The following MACF1 variants were observed in gnomAD, a reference collection of about 807,000 sequenced individuals.
MACF1 encodes the protein microtubule-actin cross-linking factor 1.
A neutral mutation model predicts 854.8 loss-of-function variants in MACF1; 193 were observed. That is an observed-to-expected ratio of 0.23 (90% confidence interval 0.20 to 0.25). The LOEUF (loss-of-function observed/expected upper bound fraction) is 0.25. Among genes scored for constraint, MACF1 ranks in the 10% least tolerant of loss-of-function variants. The probability of loss-of-function intolerance (pLI) is 1.00; values close to 1 mark genes in which losing one functional copy is unlikely to be tolerated. For missense variants in MACF1, 7,722 were observed against 8,929.1 expected, an observed-to-expected ratio of 0.86 and a Z score of 5.45; for synonymous variants, 3,185 against 3,226.7, an observed-to-expected ratio of 0.99 and a Z score of 0.44.
Position 39,336,435 on chromosome 1 carries a change from G to C in MACF1, c.9847G>C (p.Glu3283Gln), listed in dbSNP as rs1354037803. The change falls in exon 37 of 101, where the codon GAG (glutamate) becomes CAG (glutamine). Residue 3283 changes from glutamate to glutamine, a missense_variant. Around this residue, in one of 15 missense-constraint regions of MACF1, gnomAD observed 854 missense variants for 852.6 expected, o/e 1.00. Transcript: ENST00000564288. ...EKLFKGVSQK[E>Q]NTGQQNAIIS... ...ACTGTTCAAAGGAGTGTCTCAAAAA[G>C]AGAATACAGGGCAACAGAATGCCAT... The C allele has an allele frequency of 3.1e-6, 5 of 1,614,162 alleles. No homozygotes were observed. The Admixed American group carries it at 8.3e-5, about 27-fold the overall frequency.
intron 2 of MACF1, among the ~76,000 whole-genome samples, chr1:39,090,855 G>T (rs751697647): frequency 9.9e-5 from 15 of 152,184 alleles, no homozygotes; most frequent in Admixed American, 2.6e-4. Context: ...AAAGGTCTGT[G>T]AACAGATCCA....
At chr1:39,147,841 C>A (rs1643501143) in intron 2 of MACF1, among the ~76,000 whole-genome samples, 1 of 152,166 alleles carries the variant, frequency 6.6e-6, no homozygotes. Context: ...GATATTGTTT[C>A]CTGGCTAGAC....
At chr1:39,200,724 T>G (rs2148261016), upstream of MACF1, among the ~76,000 whole-genome samples, 1 of 149,802 alleles carries the variant, frequency 6.7e-6, no homozygotes, top group East Asian at 2.0e-4. Flanking sequence ...AAGAAAAAAA[T>G]TCCAGGCCAG....
chr1:39,223,847 A>T (rs1644682565), intron 1 of MACF1, among the ~76,000 whole-genome samples: 1 of 152,172 alleles, frequency 6.6e-6, no homozygotes, highest in African/African-American at 2.4e-5. Flanking sequence ...TATTGGGAGA[A>T]TAAGGGCTCA....
chr1:39,409,214 A>ACGGCGGGG lies in MACF1; in HGVS notation c.15817-13158_15817-13151dup, dbSNP rs972834973. 6.6e-6 allele frequency among the ~76,000 whole-genome samples: 1 copy of ACGGCGGGG among 151,624 alleles called. No individual in the cohort carries two copies. The highest frequency in any genetic ancestry group is 2.4e-5 in the African/African-American group (1 of 41,226). On this transcript the variant is annotated intron_variant, in intron 58 of 100. Coordinates refer to ENST00000564288, the MANE Select transcript of MACF1 (RefSeq NM_001394062.1). This position sits in a 1 kb window ranked among gnomAD's most constrained non-coding sequence, Gnocchi z 4.2. Reference sequence around the variant, plus strand: ...ACCGTGACAGCTGCGGGCGGGGAGGACGGCGGGGCCGCGGGGCCAGCGGCG... The same window carrying ACGGCGGGG: ...ACCGTGACAGCTGCGGGCGGGGAGGACGGCGGGGCGGCGGGGCCGCGGGGCCAGCGGCG...
chr1:39,429,978 G>C lies in MACF1; in HGVS notation c.17040G>C (p.Gly5680=), dbSNP rs1304794490. 1.2e-6 allele frequency: 2 copies of C among 1,613,920 alleles called. No individual in the cohort carries two copies. The highest frequency in any genetic ancestry group is 1.7e-5 in the Admixed American group (1 of 59,964). ...KFQSTYEELT[G]WLREVEEELA... is the part of the protein sequence containing the mutation. Reference sequence around the variant, plus strand: ...AGTCTACTTATGAGGAACTGACCGGGTGGCTGAGGGAGGTGGAGGAGGAGC... The same window carrying C: ...AGTCTACTTATGAGGAACTGACCGGCTGGCTGAGGGAGGTGGAGGAGGAGC... Residue 5680 remains glycine (G), a synonymous_variant, in exon 65 of 101, where the codon GGG becomes GGC. Coordinates refer to ENST00000564288, the MANE Select transcript of MACF1 (RefSeq NM_001394062.1).
chr1:39,360,012 A>ATATAT (rs1301823492), intron 47 of MACF1, among the ~76,000 whole-genome samples: 2 of 28,828 alleles, frequency 6.9e-5, no homozygotes, highest in Non-Finnish European at 1.3e-4. Flanking sequence ...AAAAAAAAAA[A>ATATAT]ATATATATAT....
intron 2 of MACF1, among the ~76,000 whole-genome samples, chr1:39,147,053 GTTCCTCTCCTCCTCCTTCTCTCTC>G (rs1202030536): frequency 3.5e-5 from 5 of 143,232 alleles, no homozygotes; most frequent in African/African-American, 7.8e-5. Flanking sequence ...TCCTCCTCCT[GTTCCTCTCCTCCTCCTTCTCTCTC>G]TTCCTCTCCT....
chr1:39,462,067 C>G (rs1557667447), intron 93 of MACF1, 30 bp downstream of exon 93: 1 of 1,609,306 alleles, frequency 6.2e-7, no homozygotes. Context: ...TTTGAGTACA[C>G]TTCTGGCTGT....
chr1:39,297,870 A>G (rs985192413), intron 21 of MACF1, 125 bp downstream of exon 21: 17 of 1,119,484 alleles, frequency 1.5e-5, no homozygotes, highest in Admixed American at 2.6e-5. Context: ...TTTGGCTTAC[A>G]TTCAAATAGA....
chr1:39,409,020 GGGCGGCGCAGCGC>G lies in MACF1; in HGVS notation c.15817-13345_15817-13333del, dbSNP rs537255209. Reference sequence around the variant, plus strand: ...TGGCTTCCAGGGGGCTGCCCGGGCGGGGCGGCGCAGCGCGGCGGCGCGGGGAAGGGGGAGGAGA... The same window carrying G: ...TGGCTTCCAGGGGGCTGCCCGGGCGGGGCGGCGCGGGGAAGGGGGAGGAGA... On this transcript the variant is annotated intron_variant, in intron 58 of 100. Coordinates refer to ENST00000564288, the MANE Select transcript of MACF1 (RefSeq NM_001394062.1). This position sits in a 1 kb window ranked among gnomAD's most constrained non-coding sequence, Gnocchi z 4.2. Among the ~76,000 whole-genome samples the G allele has an allele frequency of 5.9e-4, 90 of 151,970 alleles. No individual in the cohort carries two copies. Among genetic ancestry groups the G allele is most frequent in the East Asian group, 2.7e-3 (14 of 5,148 alleles).
At chr1:39,408,423 C>T (rs1009488067) in intron 58 of MACF1, among the ~76,000 whole-genome samples, 4 of 152,144 alleles carry the variant, frequency 2.6e-5, no homozygotes, top group Non-Finnish European at 4.4e-5. Flanking sequence ...GCAAGGGGCG[C>T]GCTAAAGGTG....
intron 6 of MACF1, among the ~76,000 whole-genome samples, chr1:39,280,114 T>C (rs1645513864): frequency 6.6e-6 from 1 of 151,996 alleles, no homozygotes; most frequent in Non-Finnish European, 1.5e-5. Context: ...GCGGGAGTGG[T>C]CTCGAACTCC....
At position 39,372,539 on chromosome 1, in the gene MACF1, A is replaced by G. The variant is rs750739763; in HGVS notation, c.13156A>G (p.Thr4386Ala). 16 of 1,613,788 alleles carry G rather than the reference A, an allele frequency of 9.9e-6. No individual in the cohort carries two copies. In the East Asian group the frequency reaches 3.1e-4, roughly 31 times the overall value. The part of the protein sequence containing the change: ...TLVEEINCKG[T>A]SLENLIMEIT... ...GGTGGAAGAAATCAATTGCAAAGGT[A>G]CTTCTTTAGAAAATCTCATCATGGA... is the stretch of plus-strand genomic sequence containing the variant. The change falls in exon 52 of 101, where the codon ACT (threonine) becomes GCT (alanine). Residue 4386 changes from threonine to alanine, a missense_variant. Coordinates refer to ENST00000564288, the MANE Select transcript of MACF1 (RefSeq NM_001394062.1).
At chr1:39,434,039 C>A (rs1318259863) in intron 68 of MACF1, among the ~76,000 whole-genome samples, 2 of 152,120 alleles carry the variant, frequency 1.3e-5, no homozygotes, top group Admixed American at 1.3e-4. Context: ...GAGATCGCGC[C>A]AGTGCACTCC....
chr1:39,134,960 C>T (rs1175238103), intron 2 of MACF1, among the ~76,000 whole-genome samples: 3 of 152,126 alleles, frequency 2.0e-5, no homozygotes, highest in African/African-American at 4.8e-5. Flanking sequence ...CCTCCTTAGC[C>T]CCTGGCAACC....
At chr1:39,242,757 A>T (rs905145504) in intron 2 of MACF1, among the ~76,000 whole-genome samples, 1 of 127,812 alleles carries the variant, frequency 7.8e-6, no homozygotes, top group Admixed American at 7.9e-5. Flanking sequence ...AAAAAAAAAA[A>T]CTTTATGGCC....
intron 2 of MACF1, among the ~76,000 whole-genome samples, chr1:39,168,485 T>C (rs1643904270): frequency 6.6e-6 from 1 of 152,100 alleles, no homozygotes; most frequent in East Asian, 1.9e-4. Context: ...GGTTCAAATA[T>C]ATGTTTTTTG....
intron 1 of MACF1, among the ~76,000 whole-genome samples, chr1:39,213,488 C>A (rs192571399): frequency 6.6e-6 from 1 of 152,122 alleles, no homozygotes; most frequent in Non-Finnish European, 1.5e-5. Context: ...TGTGCCACCA[C>A]GCCCAGCTAA....
Sources: allele counts gnomAD v4.1 joint callset (sites outside exome capture counted in the v4.1 genomes callset), GRCh38; gene constraint gnomAD v4.1.1; regional missense constraint gnomAD v4.1.1; non-coding constraint Gnocchi (gnomAD v3.1); transcripts MANE v1.5; gene names NCBI Gene and HGNC (gene_info 2026-07-23, HGNC 2026-07-21).